Variants in NXPH1 observed in about 807,000 individuals in gnomAD.
NXPH1 encodes neurexophilin-1.
In NXPH1, 5 loss-of-function variants were observed where a neutral mutation model predicts 23.7. The ratio of observed to expected loss-of-function variants is 0.21; its 90% CI spans 0.11 to 0.44. NXPH1 has a LOEUF of 0.44. Among genes scored for constraint, NXPH1 ranks in the 20% least tolerant of loss-of-function variants. NXPH1 has a pLI of 0.99. For missense variants in NXPH1, 324 were observed against 321.6 expected (o/e 1.01, Z -0.06); for synonymous variants, 144 against 122.2 (o/e 1.18, Z -1.18).
chr7:8,503,626 C>A (rs1490258883), intron 2 of NXPH1, among the ~76,000 whole-genome samples: 1 of 151,990 alleles, frequency 6.6e-6, no homozygotes, highest in Non-Finnish European at 1.5e-5. Context: ...AACCTACTTT[C>A]TTTTTAGATT....
intron 2 of NXPH1, among the ~76,000 whole-genome samples, chr7:8,707,075 G>A (rs1236938812): frequency 1.3e-5 from 2 of 152,138 alleles, no homozygotes; most frequent in African/African-American, 4.8e-5. Flanking sequence ...ATTTTAATAT[G>A]TTTTAATGAT....
At chr7:8,482,401 G>A (rs1817090033) in intron 2 of NXPH1, among the ~76,000 whole-genome samples, 1 of 152,116 alleles carries the variant, frequency 6.6e-6, no homozygotes, top group South Asian at 2.1e-4. Context: ...AGCTCTTGAG[G>A]CCAGGGAAAT....
chr7:8,644,002 A>G (rs1446609638), intron 2 of NXPH1, among the ~76,000 whole-genome samples: 1 of 152,176 alleles, frequency 6.6e-6, no homozygotes, highest in East Asian at 1.9e-4. Flanking sequence ...TTCATGGACA[A>G]CAACAGGCTG....
At chr7:8,562,601 C>T (rs557401299) in intron 2 of NXPH1, among the ~76,000 whole-genome samples, 2 of 151,334 alleles carry the variant, frequency 1.3e-5, no homozygotes, top group East Asian at 2.0e-4. Context: ...TAACACATTC[C>T]TGTGCTTGAG....
At chr7:8,475,175 AGT>A (rs1397214471) in intron 2 of NXPH1, among the ~76,000 whole-genome samples, 2 of 151,920 alleles carry the variant, frequency 1.3e-5, no homozygotes. Context: ...CCTAAACTTC[AGT>A]TGTTTAACTC....
At chr7:8,649,016 A>G (rs942787398) in intron 2 of NXPH1, among the ~76,000 whole-genome samples, 13 of 133,968 alleles carry the variant, frequency 9.7e-5, no homozygotes, top group African/African-American at 3.5e-4. Flanking sequence ...TTGCTATTTT[A>G]CTCTCCATTA....
At chr7:8,496,905 C>G (rs1462426991) in intron 2 of NXPH1, among the ~76,000 whole-genome samples, 3 of 152,062 alleles carry the variant, frequency 2.0e-5, no homozygotes, top group Non-Finnish European at 4.4e-5. Context: ...TTCTAGGGTA[C>G]ATGTTCACAA....
At chr7:8,488,496 C>T (rs551173334) in intron 2 of NXPH1, among the ~76,000 whole-genome samples, 1 of 152,114 alleles carries the variant, frequency 6.6e-6, no homozygotes, top group Admixed American at 6.6e-5. Flanking sequence ...GACTGAAACC[C>T]AGGCCTCATC....
intron 2 of NXPH1, among the ~76,000 whole-genome samples, chr7:8,570,155 G>C (rs1169825251): frequency 6.6e-6 from 1 of 151,764 alleles, no homozygotes; most frequent in Non-Finnish European, 1.5e-5. Context: ...CCCCATGAAT[G>C]GTTCTTAATT....
chr7:8,529,759 A>G (rs1003143339), intron 2 of NXPH1, among the ~76,000 whole-genome samples: 11 of 152,180 alleles, frequency 7.2e-5, no homozygotes, highest in African/African-American at 2.2e-4. Context: ...TGAGTGGTCA[A>G]TACATTTTGT....
chr7:8,615,084 T>C (rs1365289683), intron 2 of NXPH1, among the ~76,000 whole-genome samples: 2 of 152,080 alleles, frequency 1.3e-5, no homozygotes, highest in Non-Finnish European at 2.9e-5. Flanking sequence ...CATTACAATT[T>C]CAAATGAAAC....
chr7:8,669,893 A>G (rs902355269), intron 2 of NXPH1, among the ~76,000 whole-genome samples: 1 of 152,210 alleles, frequency 6.6e-6, no homozygotes, highest in Non-Finnish European at 1.5e-5. Flanking sequence ...TCTTGTAAAA[A>G]TATTTTCATG....
At chr7:8,543,378 A>G (rs1818148449) in intron 2 of NXPH1, among the ~76,000 whole-genome samples, 1 of 151,652 alleles carries the variant, frequency 6.6e-6, no homozygotes, top group Admixed American at 6.6e-5. Context: ...CTGAACTCCT[A>G]CAGAATTTCA....
intron 2 of NXPH1, among the ~76,000 whole-genome samples, chr7:8,525,788 G>A (rs973006783): frequency 6.6e-6 from 1 of 152,224 alleles, no homozygotes; most frequent in African/African-American, 2.4e-5. Flanking sequence ...ACTGAGGTTT[G>A]CGAACCTCCA....
chr7:8,711,941 A>G (rs1779802580), intron 2 of NXPH1, among the ~76,000 whole-genome samples: 1 of 152,238 alleles, frequency 6.6e-6, no homozygotes. Flanking sequence ...CTAGAATGCC[A>G]TCCAGTTGTG....
chr7:8,576,369 A>G (rs966610391), intron 2 of NXPH1, among the ~76,000 whole-genome samples: 2 of 152,178 alleles, frequency 1.3e-5, no homozygotes, highest in Non-Finnish European at 2.9e-5. Context: ...TTCCACAGGG[A>G]ATAAAAGTGA....
intron 2 of NXPH1, among the ~76,000 whole-genome samples, chr7:8,589,795 AATAGATAGCCACCATCCAGTAG>A (rs1292876852): frequency 2.6e-5 from 4 of 152,112 alleles, no homozygotes; most frequent in Non-Finnish European, 4.4e-5. Context: ...TGCACCATCC[AATAGATAGCCACCATCCAGTAG>A]ATAGATAGCC....
At chr7:8,531,082 C>G (rs909789303) in intron 2 of NXPH1, among the ~76,000 whole-genome samples, 2 of 152,136 alleles carry the variant, frequency 1.3e-5, no homozygotes, top group African/African-American at 4.8e-5. Context: ...GAGACACAAA[C>G]AGGGGCATTC....
intron 2 of NXPH1, among the ~76,000 whole-genome samples, chr7:8,578,373 G>A (rs1025866269): frequency 2.0e-5 from 3 of 152,180 alleles, no homozygotes; most frequent in Non-Finnish European, 4.4e-5. Context: ...GTCAGGGACT[G>A]TCTATATTCA....
Sources: gnomAD v4.1 joint callset for allele counts (sites outside exome capture counted in the v4.1 genomes callset) on GRCh38, gnomAD v4.1.1 for gene constraint, MANE v1.5 for transcripts, NCBI Gene and HGNC (gene_info 2026-07-23, HGNC 2026-07-21) for gene names.